The following ICA1 variants were observed in gnomAD, a reference collection of about 807,000 sequenced individuals.
ICA1 encodes islet cell autoantigen 1, also known as 69 kDa islet cell autoantigen.
In ICA1, 40 loss-of-function variants were observed where a neutral mutation model predicts 71.0. The ratio of observed to expected loss-of-function variants is 0.56; its 90% confidence interval spans 0.44 to 0.73. The LOEUF (loss-of-function observed/expected upper bound fraction) is 0.73, where lower values mean the gene tolerates loss of function less well. ICA1 is among the 30% of genes least tolerant of loss of function. The pLI is 0.00. For synonymous variants in ICA1, 207 were observed against 209.5 expected (o/e 0.99, Z 0.10); for missense variants, 578 against 576.5 (o/e 1.00, Z -0.03).
At chr7:8,171,798 G>C (rs1266188128) in intron 6 of ICA1, among the ~76,000 whole-genome samples, 1 of 151,784 alleles carries the variant, frequency 6.6e-6, no homozygotes, top group Non-Finnish European at 1.5e-5. Context: ...ATTTTGATAT[G>C]TTGTGTTCTG....
intron 6 of ICA1, among the ~76,000 whole-genome samples, chr7:8,158,865 T>C (rs1419077756): frequency 6.6e-6 from 1 of 152,248 alleles, no homozygotes; most frequent in Non-Finnish European, 1.5e-5. Flanking sequence ...AGCACACTTG[T>C]CATCCTAATT....
chr7:8,128,158 G>C lies in ICA1; in HGVS notation c.1061-16C>G. ...CCCAGGCAAGCTGATTGAAGTAACA[G>C]AGAACAAAACGTCACCACGGAGGGC... On this transcript the variant is annotated splice_polypyrimidine_tract_variant and intron_variant, in intron 12 of 13. Transcript: ENST00000402384. The C allele has an allele frequency of 6.2e-7, 1 of 1,611,858 alleles. No individual in the cohort carries two copies. Among genetic ancestry groups the C allele is most frequent in the South Asian group, 1.1e-5 (1 of 90,874 alleles).
chr7:8,149,400 T>C (rs1798074145), intron 8 of ICA1, among the ~76,000 whole-genome samples: 2 of 152,242 alleles, frequency 1.3e-5, no homozygotes, highest in Admixed American at 6.5e-5. Context: ...ATGCTAATGA[T>C]TTCCATCCAT....
intron 1 of ICA1, among the ~76,000 whole-genome samples, chr7:8,245,406 T>C (rs1192559503): frequency 2.6e-5 from 3 of 117,410 alleles, no homozygotes; most frequent in Non-Finnish European, 3.4e-5. Flanking sequence ...CTGGGGCCTG[T>C]TGTGGGGTGG....
chr7:8,207,529 T>C (rs1792014436), intron 6 of ICA1, among the ~76,000 whole-genome samples: 1 of 152,244 alleles, frequency 6.6e-6, no homozygotes, highest in Non-Finnish European at 1.5e-5. Context: ...CTGAAAATTT[T>C]ATGTTTGAAA....
chr7:8,209,109 C>T (rs1409392497), intron 6 of ICA1, among the ~76,000 whole-genome samples: 1 of 152,146 alleles, frequency 6.6e-6, no homozygotes, highest in African/African-American at 2.4e-5. Context: ...CTATCTTGGA[C>T]CAGATCAGTT....
In ICA1 at chr7:8,183,944, C is replaced by T. The variant is rs565541915; in HGVS notation, c.580-25292G>A. 1.5e-4 allele frequency among the ~76,000 whole-genome samples: 23 copies of T among 152,044 alleles called. No individual in the cohort carries two copies. In the South Asian group the frequency reaches 3.5e-3, roughly 23 times the overall value. ...AAAAAACATAGTATTTGAAAAACAC[C>T]GCAAGAATAAAAAATATAGACTAGC... On this transcript the variant is annotated intron_variant, in intron 6 of 13. Coordinates refer to ENST00000402384, the MANE Select transcript of ICA1 (RefSeq NM_001136020.3).
chr7:8,254,059 C>T (rs561158944), intron 1 of ICA1, among the ~76,000 whole-genome samples: 1 of 152,280 alleles, frequency 6.6e-6, no homozygotes, highest in Non-Finnish European at 1.5e-5. Context: ...TCCACAGAAC[C>T]TCCTGGCTGA....
rs543872192 is a variant in ICA1 at position 8,142,572 on chromosome 7, AAAG to A, written c.903-758_903-756del. ...TTGATTGTATGAACTTATATGGTGAAAAGAAGGTGCAGGGACCCACTTCAGGTC... is the reference window on the plus strand; with the variant it reads ...TTGATTGTATGAACTTATATGGTGAAAAGGTGCAGGGACCCACTTCAGGTC... On this transcript the variant is annotated intron_variant, in intron 9 of 13. Transcript: ENST00000402384. Among the ~76,000 whole-genome samples, 203 of 152,360 alleles carry A rather than the reference AAAG, an allele frequency of 1.3e-3. 1 individual carries two copies. Among genetic ancestry groups the A allele is most frequent in the African/African-American group, 4.5e-3 (189 of 41,570 alleles).
chr7:8,175,937 C>T (rs940945742), intron 6 of ICA1, among the ~76,000 whole-genome samples: 3 of 152,162 alleles, frequency 2.0e-5, no homozygotes, highest in East Asian at 1.9e-4. Flanking sequence ...GCTCCTGCCT[C>T]GTCAGTCTTT....
At chr7:8,188,185 T>C (rs1390715686) in intron 6 of ICA1, among the ~76,000 whole-genome samples, 1 of 152,230 alleles carries the variant, frequency 6.6e-6, no homozygotes, top group Non-Finnish European at 1.5e-5. Context: ...TTTCCAGTTA[T>C]AATTATCAAA....
At chr7:8,128,556 C>T (rs895197570) in intron 12 of ICA1, among the ~76,000 whole-genome samples, 3 of 152,188 alleles carry the variant, frequency 2.0e-5, no homozygotes, top group Non-Finnish European at 4.4e-5. Flanking sequence ...AACAGCAACA[C>T]GCCATGTGGC....
intron 8 of ICA1, among the ~76,000 whole-genome samples, chr7:8,150,534 C>T (rs536164382): frequency 5.9e-5 from 9 of 152,292 alleles, no homozygotes; most frequent in South Asian, 2.1e-4. Flanking sequence ...TCAGGCCTTT[C>T]GGCTATTACC....
In ICA1 at chr7:8,224,351, G is replaced by A. The variant is rs537129869; in HGVS notation, c.257-2953C>T. On this transcript the variant is annotated intron_variant, in intron 4 of 13. Coordinates refer to ENST00000402384, the MANE Select transcript of ICA1 (RefSeq NM_001136020.3). ...CAAGGGAAAAGGTGACTGAAGAGGT[G>A]AACTGGGGCCAGATCACGTCCTATG... 5.1e-4 allele frequency among the ~76,000 whole-genome samples: 78 copies of A among 152,108 alleles called. 1 individual carries two copies. In the South Asian group the frequency reaches 0.016, roughly 30 times the overall value.
intron 13 of ICA1, among the ~76,000 whole-genome samples, chr7:8,125,868 G>A (rs1354387694): frequency 6.6e-6 from 1 of 152,192 alleles, no homozygotes; most frequent in Non-Finnish European, 1.5e-5. Flanking sequence ...GCATGAGCTT[G>A]TGTTTCTCTC....
chr7:8,136,267 G>A (rs1239039957), intron 12 of ICA1, among the ~76,000 whole-genome samples: 1 of 152,116 alleles, frequency 6.6e-6, no homozygotes, highest in Non-Finnish European at 1.5e-5. Flanking sequence ...TTACCACAGG[G>A]AGTGAACCGG....
At position 8,222,452 on chromosome 7, in the gene ICA1, C is replaced by G. The variant is rs1232788507; in HGVS notation, c.257-1054G>C. On this transcript the variant is annotated intron_variant, in intron 4 of 13. Transcript: ENST00000402384. This position sits in a 1 kb window ranked among gnomAD's most constrained non-coding sequence, Gnocchi z 4.8. ...TACATACCCTGTGTCTCTAAAACTG[C>G]TTTCTAAATGCTACTAGGATTCTTG... Among the ~76,000 whole-genome samples the G allele has an allele frequency of 2.0e-5, 3 of 152,148 alleles. No homozygotes were observed. The highest frequency in any genetic ancestry group is 4.4e-5 in the Non-Finnish European group (3 of 68,020).
chr7:8,241,078 C>G (rs533650237), intron 1 of ICA1, among the ~76,000 whole-genome samples: 4 of 152,104 alleles, frequency 2.6e-5, no homozygotes, highest in Non-Finnish European at 5.9e-5. Context: ...CACAGAGATA[C>G]TCCTTGAGAA....
At chr7:8,166,355 G>A (rs1805979332) in intron 6 of ICA1, among the ~76,000 whole-genome samples, 1 of 152,086 alleles carries the variant, frequency 6.6e-6, no homozygotes, top group South Asian at 2.1e-4. Flanking sequence ...CTACAACCAT[G>A]TGATCTTCAA....
Sources: gnomAD v4.1 joint callset for allele counts (sites outside exome capture counted in the v4.1 genomes callset) on GRCh38, gnomAD v4.1.1 for gene constraint, Gnocchi (gnomAD v3.1) non-coding constraint, MANE v1.5 for transcripts, NCBI Gene and HGNC (gene_info 2026-07-23, HGNC 2026-07-21) for gene names.